ITK: variants seen among roughly 807,000 people sequenced by gnomAD.
The protein encoded by ITK is IL2 inducible T cell kinase.
A neutral mutation model predicts 87.6 loss-of-function variants in ITK; 45 were observed. The observed-to-expected ratio is 0.51, with a 90% CI of 0.40 to 0.66. ITK has a LOEUF of 0.66. Ranked by LOEUF, ITK falls within the 30% of genes least tolerant of loss-of-function variation. ITK has a pLI of 0.00. For synonymous variants in ITK, 303 were observed against 273.6 expected (o/e 1.11, Z -1.06); for missense variants, 605 against 766.3 (o/e 0.79, Z 2.48).
chr5:157,215,487 G>A (rs1437863825), intron 4 of ITK, among the ~76,000 whole-genome samples: 1 of 152,128 alleles, frequency 6.6e-6, no homozygotes, highest in Non-Finnish European at 1.5e-5. Context: ...TACTTAACAA[G>A]TTTTAGAAAT....
chr5:157,251,901 T>A (rs1755144979), intron 16 of ITK, among the ~76,000 whole-genome samples: 3 of 152,236 alleles, frequency 2.0e-5, no homozygotes, highest in Admixed American at 2.0e-4. Flanking sequence ...TTAGAGTAAG[T>A]CCTAAAGTCA....
At chr5:157,208,837 A>G (rs1754129565) in intron 1 of ITK, 52 bp from the exon 2 acceptor site, 1 of 1,334,498 alleles carries the variant, frequency 7.5e-7, no homozygotes, top group Non-Finnish European at 1.1e-6. Flanking sequence ...CAATCTGGAC[A>G]AAAATATTGT....
chr5:157,248,892 A>T lies in ITK; in HGVS notation c.1676A>T (p.Tyr559Phe). Residue 559 changes from tyrosine (Y) to phenylalanine (F), a missense_variant, in exon 16 of 17, where the codon TAT becomes TTT. This residue lies in a region of ITK where 70 missense variants were observed against 122.5 expected (regional missense o/e 0.57). Coordinates refer to ENST00000422843, the MANE Select transcript of ITK (RefSeq NM_005546.4). ...WEVFSEGKIP[Y>F]ENRSNSEVVE... ...GTTTTCAGTGAAGGCAAAATCCCGT[A>T]TGAAAACCGAAGCAACTCAGAGGTG... 2 of 1,614,000 alleles carry T rather than the reference A, an allele frequency of 1.2e-6. No homozygotes were observed. The highest frequency in any genetic ancestry group is 1.7e-6 in the Non-Finnish European group (2 of 1,179,870).
intron 4 of ITK, among the ~76,000 whole-genome samples, chr5:157,215,391 G>C (rs1487976940): frequency 6.6e-6 from 1 of 152,064 alleles, no homozygotes; most frequent in African/African-American, 2.4e-5. Context: ...CCCTCTCATT[G>C]CCACTTTAAA....
At chr5:157,204,332 G>A (rs879374121) in intron 1 of ITK, among the ~76,000 whole-genome samples, 7 of 152,072 alleles carry the variant, frequency 4.6e-5, no homozygotes, top group Admixed American at 6.5e-5. Context: ...AGGCTGAGGC[G>A]GGCAGATTGC....
chr5:157,188,759 A>C (rs1753694763), intron 1 of ITK, among the ~76,000 whole-genome samples: 1 of 152,230 alleles, frequency 6.6e-6, no homozygotes, highest in Admixed American at 6.5e-5. Flanking sequence ...ACAGAAGTGC[A>C]TCACCACGCC....
At chr5:157,213,081 A>G (rs30135) in intron 3 of ITK, among the ~76,000 whole-genome samples, 34,248 of 152,078 alleles carry the variant, frequency 0.23, 4,449 homozygotes, top group Admixed American at 0.29. Flanking sequence ...TGTATAATGA[A>G]AAGAGGTTTA....
Position 157,253,109 on chromosome 5 carries a change from C to A in ITK, c.*431C>A. 1 of 321,034 alleles carries A rather than the reference C, an allele frequency of 3.1e-6. No individual in the cohort carries two copies. The highest frequency in any genetic ancestry group is 5.9e-6 in the Non-Finnish European group (1 of 168,256). 19.9% of individuals were successfully genotyped at this position (321,034 alleles called of 1,614,324 possible). ...TTTATTTGACCCAACAACACAGTAT[C>A]CCAGGATATGGAGGCAAGGGGAACA... On this transcript the variant is annotated 3_prime_UTR_variant, in exon 17 of 17. Transcript: ENST00000422843.
At chr5:157,188,263 T>A (rs1241811941) in intron 1 of ITK, among the ~76,000 whole-genome samples, 1 of 152,164 alleles carries the variant, frequency 6.6e-6, no homozygotes, top group East Asian at 1.9e-4. Flanking sequence ...ACACCTAGAA[T>A]GAACCTTAAA....
At chr5:157,243,243 T>A (rs1289784910) in intron 11 of ITK, among the ~76,000 whole-genome samples, 1 of 152,188 alleles carries the variant, frequency 6.6e-6, no homozygotes, top group Non-Finnish European at 1.5e-5. Flanking sequence ...CCTAATAGGG[T>A]TATGTGTATA....
intron 15 of ITK, among the ~76,000 whole-genome samples, chr5:157,247,487 A>G (rs748666228): frequency 6.6e-6 from 1 of 152,264 alleles, no homozygotes; most frequent in Non-Finnish European, 1.5e-5. Flanking sequence ...CATTTGGAGC[A>G]ATGGCCACTT....
chr5:157,244,032 A>T, intron 12 of ITK: 1 of 667,910 alleles, frequency 1.5e-6, no homozygotes, highest in Non-Finnish European at 2.7e-6. Context: ...AGTCCATGAC[A>T]TGCCAGCCAC....
intron 1 of ITK, among the ~76,000 whole-genome samples, chr5:157,200,870 C>A (rs746869239): frequency 1.3e-4 from 20 of 152,284 alleles, no homozygotes; most frequent in Non-Finnish European, 2.9e-4. Flanking sequence ...CTGAAGTCTA[C>A]TGGCATAGGG....
intron 1 of ITK, among the ~76,000 whole-genome samples, chr5:157,189,413 C>T (rs1753707747): frequency 6.6e-6 from 1 of 152,066 alleles, no homozygotes; most frequent in Non-Finnish European, 1.5e-5. Context: ...GGCACAGTGG[C>T]TTATGCCTGT....
intron 8 of ITK, among the ~76,000 whole-genome samples, chr5:157,233,676 A>G (rs1754703865): frequency 1.3e-5 from 2 of 152,168 alleles, no homozygotes; most frequent in African/African-American, 4.8e-5. Flanking sequence ...TTGGATAACA[A>G]AGTAGAACTT....
intron 1 of ITK, among the ~76,000 whole-genome samples, chr5:157,205,056 A>G (rs969468800): frequency 3.3e-5 from 5 of 152,242 alleles, no homozygotes; most frequent in Non-Finnish European, 7.3e-5. Flanking sequence ...GCACGCTCAT[A>G]TATCACAAAT....
At chr5:157,203,760 G>A (rs148485202) in intron 1 of ITK, among the ~76,000 whole-genome samples, 1,962 of 152,278 alleles carry the variant, frequency 0.013, 22 homozygotes, top group Non-Finnish European at 0.019. Context: ...TGAGCCCAAA[G>A]GGCACGTTTG....
At chr5:157,224,718 T>G (rs1309972445) in intron 6 of ITK, among the ~76,000 whole-genome samples, 1 of 151,964 alleles carries the variant, frequency 6.6e-6, no homozygotes, top group African/African-American at 2.4e-5. Flanking sequence ...GAGGTGGAGG[T>G]TGCAGTGGGC....
At chr5:157,187,696 C>A (rs1251716572) in intron 1 of ITK, among the ~76,000 whole-genome samples, 2 of 152,038 alleles carry the variant, frequency 1.3e-5, no homozygotes, top group Admixed American at 1.3e-4. Flanking sequence ...GGGTCCCAGC[C>A]CTCAACTCTT....
Sources: allele counts gnomAD v4.1 joint callset (sites outside exome capture counted in the v4.1 genomes callset), GRCh38; gene constraint gnomAD v4.1.1; regional missense constraint gnomAD v4.1.1; transcripts MANE v1.5; gene names NCBI Gene and HGNC (gene_info 2026-07-23, HGNC 2026-07-21).